CAMTA1: variants seen among roughly 807,000 people sequenced by gnomAD.
CAMTA1 encodes the protein calmodulin binding transcription activator 1.
Under a neutral mutation model 170.9 loss-of-function variants are expected in CAMTA1, and 27 were observed. The observed-to-expected ratio is 0.16, with a 90% confidence interval of 0.12 to 0.22. CAMTA1 has a LOEUF of 0.22. CAMTA1 is among the 10% of genes least tolerant of loss of function. The probability of loss-of-function intolerance (pLI) is 1.00; values close to 1 mark genes in which losing one functional copy is unlikely to be tolerated. For missense variants in CAMTA1, 1,619 were observed against 2,217.2 expected, an observed-to-expected ratio of 0.73 and a Z score of 5.42; for synonymous variants, 833 against 891.5, an observed-to-expected ratio of 0.93 and a Z score of 1.17.
chr1:6,996,713 GA>G (rs1013041278), intron 3 of CAMTA1, among the ~76,000 whole-genome samples: 5 of 149,074 alleles, frequency 3.4e-5, no homozygotes, highest in South Asian at 2.1e-4. Context: ...AAGAAAGAAA[GA>G]AAAAAAGTCA....
chr1:7,028,632 C>T (rs538843587), intron 3 of CAMTA1, among the ~76,000 whole-genome samples: 11 of 152,318 alleles, frequency 7.2e-5, no homozygotes, highest in African/African-American at 2.6e-4. Flanking sequence ...CTCTGGCCTC[C>T]CTGGAGCACT....
chr1:7,578,012 G>A (rs1309479446), intron 6 of CAMTA1, among the ~76,000 whole-genome samples: 1 of 152,178 alleles, frequency 6.6e-6, no homozygotes, highest in Non-Finnish European at 1.5e-5. Flanking sequence ...GTACAACAAA[G>A]GTTGATGGGT....
rs12407112 is a variant in CAMTA1 at position 7,216,656 on chromosome 1, A to G, written c.303-32835A>G. Among the ~76,000 whole-genome samples, 115 of 152,198 alleles carry G rather than the reference A, an allele frequency of 7.6e-4. 1 individual carries two copies. The highest frequency in any genetic ancestry group is 3.9e-3 in the Admixed American group (60 of 15,300). On this transcript the variant is annotated intron_variant, in intron 4 of 22. Coordinates refer to ENST00000303635, the MANE Select transcript of CAMTA1 (RefSeq NM_015215.4). This position sits in a 1 kb window ranked among gnomAD's most constrained non-coding sequence, Gnocchi z 4.0. ...CTCCCGAATGGCTGAGACTACAGGC[A>G]GGTACCACCACGCCTGGCTAATTTT...
At chr1:7,227,207 G>A (rs186474843) in intron 4 of CAMTA1, among the ~76,000 whole-genome samples, 18 of 152,262 alleles carry the variant, frequency 1.2e-4, no homozygotes, top group African/African-American at 4.3e-4. Flanking sequence ...CACTCTGTCC[G>A]TCTCTGTGCC....
chr1:7,484,346 G>A (rs1439464814), intron 6 of CAMTA1, among the ~76,000 whole-genome samples: 1 of 152,222 alleles, frequency 6.6e-6, no homozygotes, highest in East Asian at 1.9e-4. Context: ...GGCCCTGGGT[G>A]TTCACACTGA....
Position 6,984,133 on chromosome 1 carries a change from G to T in CAMTA1, c.235-107171G>T, listed in dbSNP as rs538412476. 6.1e-4 allele frequency among the ~76,000 whole-genome samples: 3 copies of T among 4,934 alleles called. 1 individual carries two copies. The South Asian group carries it at 0.015, about 25-fold the overall frequency. 3.2% of individuals were successfully genotyped at this position (4,934 alleles called of 152,430 possible). A position where few individuals can be genotyped will look rare whatever the true frequency, so the allele number is the denominator to read the frequency against. On this transcript the variant is annotated intron_variant, in intron 3 of 22. Transcript: ENST00000303635. ...GGGTTGGTAGATGAGTGGATAGAAG[G>T]TAGATGGGTTGGTAGATGAGTGGAT...
chr1:7,762,195 A>G (rs1255818519), intron 22 of CAMTA1, among the ~76,000 whole-genome samples: 2 of 152,254 alleles, frequency 1.3e-5, no homozygotes. Flanking sequence ...TTATTACAAA[A>G]GCAGCACATA....
At chr1:7,764,063 G>C (rs1344157674) in intron 22 of CAMTA1, among the ~76,000 whole-genome samples, 1 of 152,046 alleles carries the variant, frequency 6.6e-6, no homozygotes, top group Non-Finnish European at 1.5e-5. Context: ...TATAGATATT[G>C]CATGTTTAAA....
intron 3 of CAMTA1, among the ~76,000 whole-genome samples, chr1:6,829,852 T>C (rs1379372510): frequency 1.3e-5 from 2 of 152,222 alleles, no homozygotes. Flanking sequence ...TTTCGTTTTA[T>C]AGAATTGTTT....
intron 5 of CAMTA1, among the ~76,000 whole-genome samples, chr1:7,347,800 C>T (rs1259984980): frequency 6.6e-6 from 1 of 152,136 alleles, no homozygotes; most frequent in African/African-American, 2.4e-5. Context: ...TGTTCTTCCC[C>T]GTGGCTCTGT....
chr1:7,287,470 T>C (rs955550326), intron 5 of CAMTA1, among the ~76,000 whole-genome samples: 7 of 152,190 alleles, frequency 4.6e-5, no homozygotes, highest in African/African-American at 1.7e-4. Flanking sequence ...CCTCTACCTT[T>C]CTCCCTTTCC....
intron 4 of CAMTA1, among the ~76,000 whole-genome samples, chr1:7,103,998 GAA>G (rs1211389790): frequency 2.1e-5 from 3 of 143,478 alleles, no homozygotes; most frequent in East Asian, 4.2e-4. Flanking sequence ...GTACACACAT[GAA>G]CACAACACAC....
intron 4 of CAMTA1, among the ~76,000 whole-genome samples, chr1:7,131,782 T>G (rs755895224): frequency 7.2e-5 from 11 of 152,096 alleles, no homozygotes; most frequent in Non-Finnish European, 1.2e-4. Context: ...TGGGCCGGGC[T>G]TGGTGGCTCA....
intron 3 of CAMTA1, among the ~76,000 whole-genome samples, chr1:6,947,406 A>C (rs1200551624): frequency 6.8e-6 from 1 of 147,146 alleles, no homozygotes. Flanking sequence ...AGACAGTCTC[A>C]CTCTGTTTGC....
intron 5 of CAMTA1, among the ~76,000 whole-genome samples, chr1:7,329,100 G>A (rs541471064): frequency 9.2e-5 from 14 of 151,790 alleles, no homozygotes; most frequent in Non-Finnish European, 1.9e-4. Context: ...TCCTAAATCT[G>A]CCCTTAAAAA....
chr1:7,108,639 A>C (rs1643839696), intron 4 of CAMTA1, among the ~76,000 whole-genome samples: 1 of 152,348 alleles, frequency 6.6e-6, no homozygotes, highest in African/African-American at 2.4e-5. Context: ...TTTAAATAGG[A>C]GATGGTGGTT....
At chr1:7,069,637 A>C (rs1638339504) in intron 3 of CAMTA1, among the ~76,000 whole-genome samples, 1 of 151,902 alleles carries the variant, frequency 6.6e-6, no homozygotes, top group Admixed American at 6.6e-5. Context: ...GGTGCCCGTG[A>C]GGGGAGAGGA....
At chr1:7,488,594 ACATG>A (rs2149678642) in intron 6 of CAMTA1, among the ~76,000 whole-genome samples, 1 of 152,308 alleles carries the variant, frequency 6.6e-6, no homozygotes, top group African/African-American at 2.4e-5. Context: ...GTGTACACAT[ACATG>A]CATGATACAT....
intron 5 of CAMTA1, among the ~76,000 whole-genome samples, chr1:7,355,930 G>A (rs1168931434): frequency 2.0e-5 from 3 of 152,256 alleles, no homozygotes; most frequent in African/African-American, 7.2e-5. Context: ...ATCCACTCAT[G>A]AAAGGACTAA....
Sources: allele counts gnomAD v4.1 joint callset (sites outside exome capture counted in the v4.1 genomes callset), GRCh38; gene constraint gnomAD v4.1.1; non-coding constraint Gnocchi (gnomAD v3.1); transcripts MANE v1.5; gene names NCBI Gene and HGNC (gene_info 2026-07-23, HGNC 2026-07-21).